The following KCNMA1 variants were observed in gnomAD, a reference collection of about 807,000 sequenced individuals.
The protein encoded by KCNMA1 is potassium calcium-activated channel subfamily M alpha 1.
KCNMA1 carries 29 observed loss-of-function variants against 140.0 expected under a neutral mutation model. The observed-to-expected ratio is 0.21, with a 90% CI of 0.15 to 0.28. KCNMA1 has a LOEUF of 0.28. KCNMA1 is among the 10% of genes least tolerant of loss of function. KCNMA1 has a pLI of 1.00. For missense variants in KCNMA1, 880 were observed against 1,602.2 expected (o/e 0.55, Z 7.70); for synonymous variants, 612 against 611.9 (o/e 1.00, Z 0.00).
chr10:77,585,854 TG>T (rs2077142483), intron 1 of KCNMA1, among the ~76,000 whole-genome samples: 1 of 152,224 alleles, frequency 6.6e-6, no homozygotes, highest in Non-Finnish European at 1.5e-5. Flanking sequence ...CATTGTTATT[TG>T]GGGCCAAGGC....
intron 2 of KCNMA1, among the ~76,000 whole-genome samples, chr10:77,356,071 T>C (rs1054380904): frequency 6.6e-6 from 1 of 152,210 alleles, no homozygotes; most frequent in Non-Finnish European, 1.5e-5. Context: ...TAGAGGCATA[T>C]TACTCATTCT....
intron 5 of KCNMA1, among the ~76,000 whole-genome samples, chr10:77,145,250 C>T (rs374271762): frequency 1.6e-3 from 246 of 152,322 alleles, no homozygotes; most frequent in African/African-American, 5.7e-3. Context: ...GGAAGTTATT[C>T]CAACCCTGCC....
chr10:77,099,794 G>T (rs891990293), intron 9 of KCNMA1, among the ~76,000 whole-genome samples: 1 of 152,032 alleles, frequency 6.6e-6, no homozygotes, highest in African/African-American at 2.4e-5. Context: ...GGACCTTTGT[G>T]GGGTCTGGAA....
At chr10:77,046,950 A>G (rs1239036529) in intron 14 of KCNMA1, among the ~76,000 whole-genome samples, 1 of 152,238 alleles carries the variant, frequency 6.6e-6, no homozygotes, top group African/African-American at 2.4e-5. Context: ...GCACCTTTTC[A>G]GAATGTATTT....
chr10:77,240,376 T>C (rs1233043192), intron 3 of KCNMA1, among the ~76,000 whole-genome samples: 1 of 152,168 alleles, frequency 6.6e-6, no homozygotes, highest in Non-Finnish European at 1.5e-5. Flanking sequence ...TTTGAAAATG[T>C]GTTAGATGGC....
chr10:76,928,203 T>C (rs7069854), intron 23 of KCNMA1, among the ~76,000 whole-genome samples: 4 of 152,006 alleles, frequency 2.6e-5, no homozygotes, highest in African/African-American at 7.2e-5. Flanking sequence ...AATTTTCTTT[T>C]TGAAATGCTA....
intron 1 of KCNMA1, among the ~76,000 whole-genome samples, chr10:77,527,056 T>C (rs1439034578): frequency 6.6e-6 from 1 of 152,222 alleles, no homozygotes; most frequent in Non-Finnish European, 1.5e-5. Context: ...GACACATACT[T>C]CTGGGAGCTC....
chr10:77,410,291 C>T (rs2096590279), intron 1 of KCNMA1, among the ~76,000 whole-genome samples: 1 of 152,176 alleles, frequency 6.6e-6, no homozygotes, highest in Admixed American at 6.5e-5. Context: ...ACTCTCTCAC[C>T]CCCAGGCACA....
chr10:77,465,925 T>C (rs543327383), intron 1 of KCNMA1, among the ~76,000 whole-genome samples: 1 of 152,108 alleles, frequency 6.6e-6, no homozygotes, highest in Non-Finnish European at 1.5e-5. Flanking sequence ...GAGACACCCA[T>C]GGGATGCTAA....
intron 5 of KCNMA1, among the ~76,000 whole-genome samples, chr10:77,145,240 G>T (rs2098267739): frequency 6.6e-6 from 1 of 152,124 alleles, no homozygotes; most frequent in Non-Finnish European, 1.5e-5. Flanking sequence ...ACATGCTCTT[G>T]GAAGTTATTC....
At chr10:77,324,150 G>A (rs2083182603) in intron 2 of KCNMA1, among the ~76,000 whole-genome samples, 1 of 152,182 alleles carries the variant, frequency 6.6e-6, no homozygotes, top group African/African-American at 2.4e-5. Context: ...GGAGTAGATG[G>A]AGAGCAGACA....
At chr10:77,226,011 G>A (rs1407844663) in intron 3 of KCNMA1, among the ~76,000 whole-genome samples, 3 of 152,214 alleles carry the variant, frequency 2.0e-5, no homozygotes, top group Non-Finnish European at 2.9e-5. Context: ...ATTGCAGAAG[G>A]CCCTATTCTC....
At chr10:77,130,039 T>C (rs1444026766) in intron 5 of KCNMA1, among the ~76,000 whole-genome samples, 1 of 152,242 alleles carries the variant, frequency 6.6e-6, no homozygotes, top group African/African-American at 2.4e-5. Context: ...TGTTCCATAA[T>C]ACAAAACGAG....
At chr10:77,061,470 C>T (rs1420660023) in intron 14 of KCNMA1, among the ~76,000 whole-genome samples, 1 of 152,168 alleles carries the variant, frequency 6.6e-6, no homozygotes, top group African/African-American at 2.4e-5. Flanking sequence ...TGCCCACCTA[C>T]TAGACTGTTT....
intron 2 of KCNMA1, among the ~76,000 whole-genome samples, chr10:77,277,460 C>T (rs893471220): frequency 6.6e-6 from 1 of 152,168 alleles, no homozygotes; most frequent in Non-Finnish European, 1.5e-5. Flanking sequence ...GAAAGGAAGA[C>T]CTCAGCAGTT....
intron 23 of KCNMA1, among the ~76,000 whole-genome samples, chr10:76,917,957 C>A (rs2053659286): frequency 6.6e-6 from 1 of 152,146 alleles, no homozygotes; most frequent in Admixed American, 6.5e-5. Flanking sequence ...AGGAATGAGG[C>A]AATCCGGCCT....
At chr10:77,476,257 G>A (rs546007658) in intron 1 of KCNMA1, among the ~76,000 whole-genome samples, 48 of 152,256 alleles carry the variant, frequency 3.2e-4, no homozygotes, top group African/African-American at 1.1e-3. Flanking sequence ...AAGGCCATCC[G>A]CAAAGGGGAC....
At chr10:77,089,865 C>A (rs2096774987) in intron 10 of KCNMA1, among the ~76,000 whole-genome samples, 1 of 152,166 alleles carries the variant, frequency 6.6e-6, no homozygotes, top group South Asian at 2.1e-4. Context: ...TGTATTTTTA[C>A]TCTGTTTGTG....
At chr10:77,484,652 A>C (rs1033359621) in intron 1 of KCNMA1, among the ~76,000 whole-genome samples, 2 of 152,204 alleles carry the variant, frequency 1.3e-5, no homozygotes, top group African/African-American at 2.4e-5. Flanking sequence ...GTGTATCTCC[A>C]TGGTTCTCAA....
Sources: gnomAD v4.1 joint callset for allele counts (sites outside exome capture counted in the v4.1 genomes callset) on GRCh38, gnomAD v4.1.1 for gene constraint, MANE v1.5 for transcripts, NCBI Gene and HGNC (gene_info 2026-07-23, HGNC 2026-07-21) for gene names.